NSG2: variants seen among roughly 807,000 people sequenced by gnomAD.
The protein encoded by NSG2 is neuronal vesicle trafficking associated 2.
In NSG2, 4 loss-of-function variants were observed where a neutral mutation model predicts 16.9. The observed-to-expected ratio is 0.24, with a 90% CI of 0.12 to 0.54. The LOEUF is 0.54. Among genes scored for constraint, NSG2 ranks in the 20% least tolerant of loss-of-function variants. NSG2 has a pLI of 0.95. For missense variants in NSG2, 179 were observed against 221.1 expected, an observed-to-expected ratio of 0.81 and a Z score of 1.21; for synonymous variants, 98 against 88.7, an observed-to-expected ratio of 1.11 and a Z score of -0.59.
At chr5:174,065,771 T>C (rs1760128597) in intron 3 of NSG2, among the ~76,000 whole-genome samples, 1 of 152,222 alleles carries the variant, frequency 6.6e-6, no homozygotes, top group South Asian at 2.1e-4. Flanking sequence ...TGCAGCAGCC[T>C]GGCTGGGCTT....
chr5:174,066,680 T>C (rs186980811), intron 3 of NSG2, among the ~76,000 whole-genome samples: 1 of 152,166 alleles, frequency 6.6e-6, no homozygotes, highest in East Asian at 1.9e-4. Context: ...GAATTATTTT[T>C]AAGTGTGCTT....
chr5:174,060,410 A>C (rs1265439252), intron 2 of NSG2, among the ~76,000 whole-genome samples: 1 of 151,994 alleles, frequency 6.6e-6, no homozygotes, highest in African/African-American at 2.4e-5. Flanking sequence ...CTGAGTTTGC[A>C]TCCAACATTT....
chr5:174,080,496 C>CT (rs1297763404), intron 3 of NSG2, among the ~76,000 whole-genome samples: 6 of 125,088 alleles, frequency 4.8e-5, no homozygotes, highest in African/African-American at 1.6e-4. Flanking sequence ...TCTTTCTTTC[C>CT]CTCTTTCTTT....
chr5:174,050,246 T>C (rs763588434), intron 2 of NSG2, among the ~76,000 whole-genome samples: 1 of 152,188 alleles, frequency 6.6e-6, no homozygotes, highest in Admixed American at 6.5e-5. Flanking sequence ...GCTTTTCTTT[T>C]TGAAAATGTA....
intron 3 of NSG2, among the ~76,000 whole-genome samples, chr5:174,073,472 G>C (rs1335763629): frequency 6.6e-6 from 1 of 152,228 alleles, no homozygotes; most frequent in Non-Finnish European, 1.5e-5. Flanking sequence ...GGACTTGGTG[G>C]AGAAAGGCTG....
intron 2 of NSG2, among the ~76,000 whole-genome samples, chr5:174,059,940 C>T (rs1476550901): frequency 6.6e-6 from 1 of 152,162 alleles, no homozygotes; most frequent in Non-Finnish European, 1.5e-5. Flanking sequence ...ATGTCTGAGT[C>T]AATCAAATTG....
intron 2 of NSG2, among the ~76,000 whole-genome samples, chr5:174,054,504 C>T (rs565871454): frequency 3.3e-5 from 5 of 152,066 alleles, no homozygotes; most frequent in African/African-American, 4.8e-5. Flanking sequence ...TGCCTCAGTC[C>T]CCTAAGTAAC....
At chr5:174,051,007 C>A (rs1290744949) in intron 2 of NSG2, among the ~76,000 whole-genome samples, 1 of 152,194 alleles carries the variant, frequency 6.6e-6, no homozygotes, top group African/African-American at 2.4e-5. Context: ...CTTTCACCAT[C>A]TGGCCTGCGC....
At chr5:174,078,314 A>G (rs1760383910) in intron 3 of NSG2, among the ~76,000 whole-genome samples, 1 of 151,892 alleles carries the variant, frequency 6.6e-6, no homozygotes, top group South Asian at 2.1e-4. Flanking sequence ...ACACACACTT[A>G]AACTTGATTT....
chr5:174,097,557 C>CTGTGTGTGTAACTGTGTGTGTGTCTG (rs1561674961), intron 3 of NSG2, among the ~76,000 whole-genome samples: 1 of 147,692 alleles, frequency 6.8e-6, no homozygotes, highest in South Asian at 2.2e-4. Context: ...CTGTATGTCT[C>CTGTGTGTGTAACTGTGTGTGTGTCTG]TGTGTGTGTA....
chr5:174,078,793 C>T (rs1336414042), intron 3 of NSG2, among the ~76,000 whole-genome samples: 1 of 152,150 alleles, frequency 6.6e-6, no homozygotes, highest in African/African-American at 2.4e-5. Context: ...ATCTATGAAC[C>T]AGAAAGTGGG....
intron 3 of NSG2, among the ~76,000 whole-genome samples, chr5:174,074,985 T>G (rs1377718176): frequency 6.6e-6 from 1 of 152,100 alleles, no homozygotes; most frequent in African/African-American, 2.4e-5. Context: ...CTAGCTGGAT[T>G]GCTGAAGGTG....
chr5:174,096,746 T>A (rs769552946), intron 3 of NSG2, among the ~76,000 whole-genome samples: 1 of 151,864 alleles, frequency 6.6e-6, no homozygotes, highest in African/African-American at 2.4e-5. Context: ...AAATAAGCTG[T>A]GTCAGAGGCA....
At chr5:174,079,189 C>A (rs530516043) in intron 3 of NSG2, among the ~76,000 whole-genome samples, 1 of 152,264 alleles carries the variant, frequency 6.6e-6, no homozygotes, top group African/African-American at 2.4e-5. Context: ...TAAGTCCTAC[C>A]CATCTGATAG....
chr5:174,046,692 C>G (rs949583714), intron 1 of NSG2, 42 bp from the exon 2 acceptor site: 2 of 1,599,548 alleles, frequency 1.3e-6, no homozygotes, highest in Admixed American at 1.7e-5. Context: ...TCTCTTTCTG[C>G]CTCACCTCCT....
intron 2 of NSG2, among the ~76,000 whole-genome samples, chr5:174,050,860 G>A (rs956759876): frequency 6.6e-6 from 1 of 151,948 alleles, no homozygotes; most frequent in African/African-American, 2.4e-5. Context: ...CCTTTCATGC[G>A]ACTCACTGCC....
chr5:174,088,109 T>C (rs1292373783), intron 3 of NSG2, among the ~76,000 whole-genome samples: 1 of 152,208 alleles, frequency 6.6e-6, no homozygotes, highest in Non-Finnish European at 1.5e-5. Context: ...ATATATTGAC[T>C]TAGATGCCAT....
At chr5:174,046,076 T>C (rs1759790137) in intron 1 of NSG2, 1 of 148,308 alleles carries the variant, frequency 6.7e-6, no homozygotes, top group South Asian at 2.1e-4. Flanking sequence ...TGGGGGCTGC[T>C]AACTTTCCAT....
intron 3 of NSG2, among the ~76,000 whole-genome samples, chr5:174,090,039 G>A (rs1252602017): frequency 6.6e-6 from 1 of 152,128 alleles, no homozygotes; most frequent in Non-Finnish European, 1.5e-5. Context: ...CTCGTTACAA[G>A]TTTGACTCTG....
Sources: allele counts gnomAD v4.1 joint callset (sites outside exome capture counted in the v4.1 genomes callset), GRCh38; gene constraint gnomAD v4.1.1; transcripts MANE v1.5; gene names NCBI Gene and HGNC (gene_info 2026-07-23, HGNC 2026-07-21).